Variants in NT5C1B observed in about 807,000 individuals in gnomAD.
The protein encoded by NT5C1B is 5'-nucleotidase, cytosolic IB.
A neutral mutation model predicts 57.8 loss-of-function variants in NT5C1B; 44 were observed. That is an observed-to-expected ratio of 0.76 (90% CI 0.60 to 0.98). NT5C1B has a LOEUF of 0.98. Among genes scored for constraint, NT5C1B ranks in the 50% least tolerant of loss-of-function variants. The pLI, the probability that NT5C1B is intolerant of heterozygous loss-of-function variation, is 0.00. For missense variants in NT5C1B, 742 were observed against 719.5 expected (o/e 1.03, Z -0.36); for synonymous variants, 284 against 282.6 (o/e 1.00, Z -0.05).
rs1305130491 is a variant in NT5C1B, at chr2:18,576,386, C to T, written c.1145-18G>A. On this transcript the variant is annotated intron_variant, in intron 7 of 8. Coordinates refer to ENST00000304081, the Ensembl canonical transcript of NT5C1B. ...GGCAATACCTGATAGATCATGGAGA[C>T]TGATTAATACTCTTCTCAGGTCCAT... 16 of 1,600,986 alleles carry T rather than the reference C, an allele frequency of 1.0e-5. No homozygotes were observed. The highest frequency in any genetic ancestry group is 1.4e-5 in the Non-Finnish European group (16 of 1,175,736).
In NT5C1B at chr2:18,580,008, T is replaced by G. The variant is rs147734044; in HGVS notation, c.1021+2860A>C. On this transcript the variant is annotated intron_variant, in intron 6 of 8. Coordinates refer to ENST00000304081, the Ensembl canonical transcript of NT5C1B. ...GACACTTCTCAAAAGAAGACATACA[T>G]GCAGCCAACAAGCGTATGAAAAAAA... Among the ~76,000 whole-genome samples, 1,063 of 152,218 alleles carry G rather than the reference T, an allele frequency of 7.0e-3. 13 individuals are homozygous for G. Among genetic ancestry groups the G allele is most frequent in the African/African-American group, 0.024 (1,017 of 41,536 alleles).
At position 18,587,606 on chromosome 2, in the gene NT5C1B, C is replaced by A; in HGVS notation, c.31-14G>T. On this transcript the variant is annotated splice_polypyrimidine_tract_variant and intron_variant, in intron 1 of 8. Coordinates refer to ENST00000304081, the Ensembl canonical transcript of NT5C1B. ...TCCAGGCTCATTCTTGACAAGGAAA[C>A]AAAGAATGTTTATTAATTTTTAATC... is the stretch of plus-strand genomic sequence containing the variant. The A allele has an allele frequency of 6.2e-7, 1 of 1,603,958 alleles. No individual in the cohort carries two copies. Among genetic ancestry groups the A allele is most frequent in the African/African-American group, 1.3e-5 (1 of 74,196 alleles).
intron 6 of NT5C1B, among the ~76,000 whole-genome samples, chr2:18,577,378 C>T (rs939875863): frequency 1.3e-4 from 18 of 142,890 alleles, no homozygotes; most frequent in African/African-American, 3.4e-4. Context: ...CTCTCGAGAT[C>T]GCGCCACTGC....
chr2:18,566,464 G>A (rs1320126020), intron 8 of NT5C1B, among the ~76,000 whole-genome samples: 1 of 152,128 alleles, frequency 6.6e-6, no homozygotes, highest in Non-Finnish European at 1.5e-5. Context: ...ATACATATAG[G>A]TGAAAAAACT....
At chr2:18,566,937 G>A (rs562298190) in intron 8 of NT5C1B, among the ~76,000 whole-genome samples, 13 of 152,346 alleles carry the variant, frequency 8.5e-5, no homozygotes, top group Admixed American at 2.6e-4. Flanking sequence ...TGCAAGAACT[G>A]TGTACTTTTG....
chr2:18,563,689 G>C (rs528383706), exon 9 of NT5C1B: 1 of 1,279,538 alleles, frequency 7.8e-7, no homozygotes, highest in Non-Finnish European at 1.0e-6. Context: ...AAGAAGCAAA[G>C]TTTTAAGGTC....
intron 6 of NT5C1B, among the ~76,000 whole-genome samples, chr2:18,577,612 G>A (rs577825851): frequency 6.6e-6 from 1 of 151,740 alleles, no homozygotes; most frequent in African/African-American, 2.4e-5. Context: ...CTAAAACACT[G>A]TTAAGAGGGG....
chr2:18,579,927 A>G (rs1666036742), intron 6 of NT5C1B, among the ~76,000 whole-genome samples: 1 of 152,230 alleles, frequency 6.6e-6, no homozygotes, highest in African/African-American at 2.4e-5. Flanking sequence ...GAGGTATTTA[A>G]ACAGATTAAC....
chr2:18,568,117 C>CACAG (rs1409817169), intron 8 of NT5C1B, among the ~76,000 whole-genome samples: 1 of 149,744 alleles, frequency 6.7e-6, no homozygotes, highest in Non-Finnish European at 1.5e-5. Context: ...CACACACACA[C>CACAG]ACACACACTC....
chr2:18,587,675 A>AC, intron 1 of NT5C1B, 83 bp from the exon 2 acceptor site: 1 of 1,466,954 alleles, frequency 6.8e-7, no homozygotes, highest in Non-Finnish European at 9.2e-7. Flanking sequence ...AAGGATAAAG[A>AC]AAACACAAAA....
rs1269279410 is a variant in NT5C1B at position 18,576,855 on chromosome 2, G to T, written c.1062C>A (p.Asp354Glu). The T allele has an allele frequency of 2.5e-6, 4 of 1,613,714 alleles. No homozygotes were observed. The highest frequency in any genetic ancestry group is 1.3e-5 in the African/African-American group (1 of 74,878). Residue 354 changes from aspartate (D) to glutamate (E), a missense_variant, in exon 7 of 9, where the codon GAC becomes GAA. By Grantham distance (45) the Asp-to-Glu change is conservative. Transcript: ENST00000304081. ...GATATGCCTTCAAATAGCCAATGGG[G>T]TCTTTTCCCCCGGTCAGACAGAAGC...
At chr2:18,563,694 A>T in exon 9 of NT5C1B, 1 of 1,290,674 alleles carries the variant, frequency 7.7e-7, no homozygotes, top group Non-Finnish European at 1.0e-6. Flanking sequence ...GCAAAGTTTT[A>T]AGGTCCAATT....
intron 8 of NT5C1B, among the ~76,000 whole-genome samples, chr2:18,568,073 T>C (rs1047817997): frequency 7.1e-6 from 1 of 140,242 alleles, no homozygotes; most frequent in Non-Finnish European, 1.5e-5. Context: ...GAGCAGAGCA[T>C]TGAAATGCTG....
At chr2:18,583,778 G>T in intron 5 of NT5C1B, 2 of 550,240 alleles carry the variant, frequency 3.6e-6, no homozygotes, top group East Asian at 4.7e-5. Flanking sequence ...TACTACTCAG[G>T]ATCATAAACT....
intron 6 of NT5C1B, among the ~76,000 whole-genome samples, chr2:18,577,422 C>CA (rs371226394): frequency 0.056 from 2,014 of 35,922 alleles, 38 homozygotes; most frequent in Non-Finnish European, 0.076. Flanking sequence ...GACTCTGTCT[C>CA]AAAAAAAAAA....
chr2:18,586,478 T>A (rs1242187647), intron 2 of NT5C1B, 87 bp from the exon 3 acceptor site: 16 of 1,559,438 alleles, frequency 1.0e-5, no homozygotes, highest in Non-Finnish European at 1.3e-5. Flanking sequence ...CATGTCAGGC[T>A]GAATATAGCA....
rs1417839579 is a variant in NT5C1B at position 18,584,515 on chromosome 2, G to C, written c.722C>G (p.Pro241Arg). ...GCCAGGGGCGGCGGGCTGGCTCACC[G>C]GCCAGGGGCGCGAGCAGCTCGGGTT... Residue 241 changes from proline (P) to arginine (R), a missense_variant and splice_region_variant, in exon 4 of 9, where the codon CCG (proline) becomes CGG (arginine). Physicochemically the swap from Pro to Arg is moderately radical, Grantham distance 103. Transcript: ENST00000304081. This position sits in a 1 kb window ranked among gnomAD's most constrained non-coding sequence, Gnocchi z 5.8. The C allele has an allele frequency of 1.2e-6, 2 of 1,608,308 alleles. No homozygotes were observed. The highest frequency in any genetic ancestry group is 1.1e-5 in the South Asian group (1 of 90,356).
intron 8 of NT5C1B, among the ~76,000 whole-genome samples, chr2:18,574,154 G>T (rs1665456191): frequency 6.6e-6 from 1 of 152,030 alleles, no homozygotes; most frequent in South Asian, 2.1e-4. Flanking sequence ...GTTAAAAATG[G>T]GCAAAGGACT....
intron 3 of NT5C1B, 56 bp from the exon 4 acceptor site, chr2:18,585,034 A>G: frequency 2.5e-6 from 4 of 1,587,188 alleles, no homozygotes; most frequent in Non-Finnish European, 3.4e-6. Flanking sequence ...TCTCCGGTCA[A>G]GGATCTGTCC....
Sources: gnomAD v4.1 joint callset for allele counts (sites outside exome capture counted in the v4.1 genomes callset) on GRCh38, gnomAD v4.1.1 for gene constraint, Gnocchi (gnomAD v3.1) non-coding constraint, MANE v1.5 for transcripts, NCBI Gene and HGNC (gene_info 2026-07-23, HGNC 2026-07-21) for gene names.